The following PTPRM variants were observed in gnomAD, a reference collection of about 807,000 sequenced individuals.
PTPRM encodes protein tyrosine phosphatase receptor type M, also known as receptor-type tyrosine-protein phosphatase mu.
PTPRM carries 47 observed loss-of-function variants against 186.7 expected under a neutral mutation model. The ratio of observed to expected loss-of-function variants is 0.25; its 90% CI spans 0.20 to 0.32. The LOEUF (loss-of-function observed/expected upper bound fraction) is 0.32. Among genes scored for constraint, PTPRM ranks in the 10% least tolerant of loss-of-function variants. PTPRM has a pLI of 1.00. For missense variants in PTPRM, 1,494 were observed against 1,865.0 expected, an observed-to-expected ratio of 0.80 and a Z score of 3.66; for synonymous variants, 668 against 674.9, an observed-to-expected ratio of 0.99 and a Z score of 0.16.
chr18:7,718,195 A>G (rs955263368), intron 1 of PTPRM, among the ~76,000 whole-genome samples: 1 of 152,240 alleles, frequency 6.6e-6, no homozygotes, highest in Non-Finnish European at 1.5e-5. Context: ...CCAAAACGGC[A>G]TGGTACTGGT....
chr18:8,385,949 A>T (rs1311912359), intron 30 of PTPRM, among the ~76,000 whole-genome samples: 2 of 151,976 alleles, frequency 1.3e-5, no homozygotes, highest in Non-Finnish European at 2.9e-5. Flanking sequence ...GGAGGTTCTG[A>T]TATTTTCTGA....
chr18:7,891,647 G>A (rs976507552), intron 3 of PTPRM, among the ~76,000 whole-genome samples: 3 of 152,050 alleles, frequency 2.0e-5, no homozygotes, highest in Admixed American at 6.5e-5. Context: ...CAGGTAGGCA[G>A]GTGGATTGCT....
intron 22 of PTPRM, among the ~76,000 whole-genome samples, chr18:8,333,288 A>G (rs2095421545): frequency 6.6e-6 from 1 of 152,232 alleles, no homozygotes; most frequent in Non-Finnish European, 1.5e-5. Context: ...GGGGAGAACA[A>G]ATGCAACTAT....
intron 6 of PTPRM, 147 bp downstream of exon 6, chr18:7,949,502 T>G: frequency 1.5e-6 from 1 of 679,548 alleles, no homozygotes. Flanking sequence ...GATTGCATTT[T>G]AAGTACAAAT....
intron 20 of PTPRM, among the ~76,000 whole-genome samples, chr18:8,306,150 GC>G (rs2095219746): frequency 6.6e-6 from 1 of 152,120 alleles, no homozygotes. Context: ...GCCCACCTCG[GC>G]CTCCCAAAGT....
chr18:7,933,845 C>T (rs1234682695), intron 5 of PTPRM, among the ~76,000 whole-genome samples: 1 of 152,174 alleles, frequency 6.6e-6, no homozygotes, highest in Non-Finnish European at 1.5e-5. Flanking sequence ...GCCTCTGCTG[C>T]TTCAGGCTAT....
At chr18:7,705,898 T>C (rs1313206780) in intron 1 of PTPRM, among the ~76,000 whole-genome samples, 1 of 150,366 alleles carries the variant, frequency 6.7e-6, no homozygotes, top group Non-Finnish European at 1.5e-5. Flanking sequence ...TTTTCATGTT[T>C]TTCTTACAGT....
At chr18:8,306,596 A>T (rs148464024) in intron 20 of PTPRM, among the ~76,000 whole-genome samples, 10 of 152,352 alleles carry the variant, frequency 6.6e-5, no homozygotes, top group African/African-American at 2.4e-4. Flanking sequence ...TTTCATGGTT[A>T]GTAATTGACC....
At chr18:8,033,058 GT>G (rs1242276625) in intron 7 of PTPRM, among the ~76,000 whole-genome samples, 1 of 151,976 alleles carries the variant, frequency 6.6e-6, no homozygotes, top group African/African-American at 2.4e-5. Context: ...TGACTACATA[GT>G]TTTACATCTA....
chr18:7,701,126 A>C (rs2039955820), intron 1 of PTPRM, among the ~76,000 whole-genome samples: 1 of 151,834 alleles, frequency 6.6e-6, no homozygotes, highest in Non-Finnish European at 1.5e-5. Flanking sequence ...CAACATGGTG[A>C]AACCCCGTTT....
chr18:7,607,657 C>A (rs2143815627), intron 1 of PTPRM, among the ~76,000 whole-genome samples: 1 of 152,342 alleles, frequency 6.6e-6, no homozygotes, highest in African/African-American at 2.4e-5. Context: ...CCTGCATGTG[C>A]CAGCTTGATC....
At chr18:8,027,380 A>G (rs1234849663) in intron 7 of PTPRM, among the ~76,000 whole-genome samples, 1 of 152,252 alleles carries the variant, frequency 6.6e-6, no homozygotes, top group Non-Finnish European at 1.5e-5. Context: ...TGAGAAACAT[A>G]TCCCTTAAAA....
intron 2 of PTPRM, among the ~76,000 whole-genome samples, chr18:7,819,399 T>C (rs186966477): frequency 6.6e-6 from 1 of 152,344 alleles, no homozygotes; most frequent in East Asian, 1.9e-4. Flanking sequence ...GGGAGCACAC[T>C]GGCAGAAGAG....
intron 1 of PTPRM, among the ~76,000 whole-genome samples, chr18:7,602,940 T>TTATTATTATTATTAG (rs1361422926): frequency 2.8e-5 from 4 of 143,164 alleles, no homozygotes; most frequent in African/African-American, 1.0e-4. Flanking sequence ...ATTATTATTA[T>TTATTATTATTATTAG]TATTTGAGGC....
chr18:8,336,773 A>T (rs1235558564), intron 22 of PTPRM, among the ~76,000 whole-genome samples: 3 of 151,934 alleles, frequency 2.0e-5, no homozygotes, highest in African/African-American at 7.3e-5. Context: ...AGGTCAGGAG[A>T]TCGAGACGTT....
chr18:8,021,265 T>C (rs2085201990), intron 7 of PTPRM, among the ~76,000 whole-genome samples: 1 of 151,820 alleles, frequency 6.6e-6, no homozygotes, highest in South Asian at 2.1e-4. Context: ...TACTTAAGCT[T>C]TTTTGATTCC....
intron 20 of PTPRM, among the ~76,000 whole-genome samples, chr18:8,301,082 G>A (rs140928419): frequency 2.6e-5 from 4 of 152,162 alleles, no homozygotes; most frequent in African/African-American, 9.7e-5. Context: ...CTCGGACTTG[G>A]GATAACACCA....
chr18:8,259,481 T>A (rs2094605697), intron 19 of PTPRM, among the ~76,000 whole-genome samples: 1 of 151,986 alleles, frequency 6.6e-6, no homozygotes, highest in African/African-American at 2.4e-5. Flanking sequence ...AACATATGAG[T>A]TGTATATCCC....
intron 1 of PTPRM, among the ~76,000 whole-genome samples, chr18:7,752,641 C>G (rs1463143458): frequency 6.6e-6 from 1 of 151,932 alleles, no homozygotes; most frequent in Non-Finnish European, 1.5e-5. Flanking sequence ...TGGGGTTTCA[C>G]CATGTTGTCC....
Sources: allele counts gnomAD v4.1 joint callset (sites outside exome capture counted in the v4.1 genomes callset), GRCh38; gene constraint gnomAD v4.1.1; transcripts MANE v1.5; gene names NCBI Gene and HGNC (gene_info 2026-07-23, HGNC 2026-07-21).